The following KDM7A variants were observed in gnomAD, a reference collection of about 807,000 sequenced individuals.
The protein encoded by KDM7A is lysine demethylase 7A, also known as lysine-specific demethylase 7A.
A neutral mutation model predicts 114.8 loss-of-function variants in KDM7A; 28 were observed. That is an observed-to-expected ratio of 0.24 (90% confidence interval 0.18 to 0.33). The LOEUF is 0.33. Among genes scored for constraint, KDM7A ranks in the 10% least tolerant of loss-of-function variants. KDM7A has a pLI of 1.00. For missense variants in KDM7A, 942 were observed against 1,142.5 expected, an observed-to-expected ratio of 0.82 and a Z score of 2.53; for synonymous variants, 423 against 397.8, an observed-to-expected ratio of 1.06 and a Z score of -0.75.
chr7:140,085,819 A>G lies in KDM7A; in HGVS notation c.*5275T>C, dbSNP rs941782367. The G allele has an allele frequency of 6.6e-6, 1 of 152,252 alleles. No individual in the cohort carries two copies. Among genetic ancestry groups the G allele is most frequent in the Non-Finnish European group, 1.5e-5 (1 of 68,046 alleles). 9.4% of individuals were successfully genotyped at this position (152,252 alleles called of 1,614,324 possible). On this transcript the variant is annotated 3_prime_UTR_variant, in exon 20 of 20. Coordinates refer to ENST00000397560, the MANE Select transcript of KDM7A (RefSeq NM_030647.2). ...GTTATACGTAGCTCTGTAAAAATAA[A>G]AGGTTACTTATGAATCTTAAAAGGA...
chr7:140,091,910 A>G lies in KDM7A; in HGVS notation c.2625T>C (p.Ser875=), dbSNP rs1301022166. 6 of 1,613,694 alleles carry G rather than the reference A, an allele frequency of 3.7e-6. No individual in the cohort carries two copies. Among genetic ancestry groups the G allele is most frequent in the South Asian group, 1.1e-5 (1 of 91,056 alleles). Residue 875 remains serine (S), a synonymous_variant, in exon 19 of 20, where the codon AGT becomes AGC. Coordinates refer to ENST00000397560, the MANE Select transcript of KDM7A (RefSeq NM_030647.2). ...CACCAACTGGCCTTTCTGGGCTTAGACTGCCATTACTTATCTGGCACGCCC... is the reference window on the plus strand; with the variant it reads ...CACCAACTGGCCTTTCTGGGCTTAGGCTGCCATTACTTATCTGGCACGCCC... ...TSGACQISNG[S]LSPERPVGET...
At position 140,092,023 on chromosome 7, in the gene KDM7A, G is replaced by C; in HGVS notation, c.2512C>G (p.Gln838Glu). 3.1e-6 allele frequency: 5 copies of C among 1,614,024 alleles called. No homozygotes were observed. The highest frequency in any genetic ancestry group is 4.2e-6 in the Non-Finnish European group (5 of 1,179,968). Residue 838 changes from glutamine to glutamate, a missense_variant, in exon 19 of 20, where the codon CAG becomes GAG. Physicochemically the swap from Gln to Glu is conservative, Grantham distance 29. Transcript: ENST00000397560. ...IRKEGSSEIS[Q>E]RVQSRNYVDS... Reference sequence around the variant, plus strand: ...ACATAATTCCTACTTTGTACCCTCTGACTAATTTCTGATGAACCTTCCTTT... The same window carrying C: ...ACATAATTCCTACTTTGTACCCTCTCACTAATTTCTGATGAACCTTCCTTT...
chr7:140,115,073 G>A (rs1482944257), intron 9 of KDM7A, among the ~76,000 whole-genome samples: 1 of 151,436 alleles, frequency 6.6e-6, no homozygotes, highest in Non-Finnish European at 1.5e-5. Flanking sequence ...CCCCATCCGG[G>A]AGGGAGGTGG....
chr7:140,119,430 T>C (rs560326252), intron 8 of KDM7A, among the ~76,000 whole-genome samples: 1 of 152,330 alleles, frequency 6.6e-6, no homozygotes, highest in East Asian at 1.9e-4. Flanking sequence ...TTAAGAATTG[T>C]ATTGGACTTC....
At chr7:140,169,991 G>A (rs571301646) in intron 1 of KDM7A, among the ~76,000 whole-genome samples, 5 of 151,926 alleles carry the variant, frequency 3.3e-5, no homozygotes, top group African/African-American at 7.3e-5. Flanking sequence ...TATAATAAAC[G>A]GTCATATCAA....
At chr7:140,105,794 C>T (rs914303774) in intron 11 of KDM7A, among the ~76,000 whole-genome samples, 2 of 152,170 alleles carry the variant, frequency 1.3e-5, no homozygotes, top group African/African-American at 4.8e-5. Flanking sequence ...CAGGATGATG[C>T]TGGTCTTGTA....
chr7:140,142,458 T>C (rs1455456467), intron 1 of KDM7A, among the ~76,000 whole-genome samples: 1 of 150,814 alleles, frequency 6.6e-6, no homozygotes, highest in Non-Finnish European at 1.5e-5. Context: ...AACAAAATAC[T>C]CGGATAGGCA....
intron 1 of KDM7A, among the ~76,000 whole-genome samples, chr7:140,147,599 C>A (rs1323595589): frequency 6.6e-6 from 1 of 152,158 alleles, no homozygotes; most frequent in Non-Finnish European, 1.5e-5. Context: ...AATCAGAGGA[C>A]TGAGTCATTG....
rs1307869941 is a variant in KDM7A, at chr7:140,095,182, AT to A, written c.2375-1045del. Among the ~76,000 whole-genome samples the A allele has an allele frequency of 2.6e-5, 4 of 152,216 alleles. No homozygotes were observed. In the East Asian group the frequency reaches 7.7e-4, roughly 29 times the overall value. The stretch of plus-strand genomic sequence containing the variant: ...CAAATTCCATGGCCGCCTATTGTAT[AT>A]GTAAAACCAATGCAATAATTCTCTA... On this transcript the variant is annotated intron_variant, in intron 17 of 19. Transcript: ENST00000397560.
rs1014239396 is a variant in KDM7A, at chr7:140,175,816, G to A, written c.194+928C>T. ...TCCGCCCGGCCGACTCAAGTTCGCC[G>A]GCACCGGCGCCCGGGCACAGCCGCA... On this transcript the variant is annotated intron_variant, in intron 1 of 19. Coordinates refer to ENST00000397560, the MANE Select transcript of KDM7A (RefSeq NM_030647.2). 9.7e-4 allele frequency among the ~76,000 whole-genome samples: 8 copies of A among 8,230 alleles called. 1 individual carries two copies. Among genetic ancestry groups the A allele is most frequent in the Non-Finnish European group, 1.3e-3 (6 of 4,656 alleles). The allele number at this position is 8,230 out of a possible 152,430, so 5.4% of individuals were successfully genotyped here.
At chr7:140,132,827 C>G (rs1185880642) in intron 3 of KDM7A, among the ~76,000 whole-genome samples, 1 of 152,098 alleles carries the variant, frequency 6.6e-6, no homozygotes, top group African/African-American at 2.4e-5. Flanking sequence ...GTTTCAGGAT[C>G]TGAAATAATT....
At chr7:140,148,080 C>T (rs1794358717) in intron 1 of KDM7A, among the ~76,000 whole-genome samples, 1 of 152,158 alleles carries the variant, frequency 6.6e-6, no homozygotes, top group Non-Finnish European at 1.5e-5. Context: ...AGTCAGCCAA[C>T]ACTGCCCTAA....
rs950107841 is a variant in KDM7A at position 140,176,013 on chromosome 7, C to T, written c.194+731G>A. On this transcript the variant is annotated intron_variant, in intron 1 of 19. Coordinates refer to ENST00000397560, the MANE Select transcript of KDM7A (RefSeq NM_030647.2). The surrounding 1 kb of genome is among the most constrained non-coding windows in gnomAD (Gnocchi z 4.4). Reference sequence around the variant, plus strand: ...CCGGGTGTGTGCGGGGGCCCAGGACCGCGACCCGGGTCAACCTGCCGCCCG... The same window carrying T: ...CCGGGTGTGTGCGGGGGCCCAGGACTGCGACCCGGGTCAACCTGCCGCCCG... Among the ~76,000 whole-genome samples the T allele has an allele frequency of 2.0e-5, 3 of 152,166 alleles. No individual in the cohort carries two copies. The highest frequency in any genetic ancestry group is 1.9e-4 in the East Asian group (1 of 5,134).
chr7:140,160,324 G>C (rs943219860), intron 1 of KDM7A, among the ~76,000 whole-genome samples: 3 of 152,150 alleles, frequency 2.0e-5, no homozygotes, highest in Admixed American at 1.3e-4. Flanking sequence ...GAAGGAAAGG[G>C]AAGAAAAGTC....
chr7:140,118,890 C>A (rs1239268081), intron 9 of KDM7A, among the ~76,000 whole-genome samples: 1 of 152,070 alleles, frequency 6.6e-6, no homozygotes, highest in Non-Finnish European at 1.5e-5. Flanking sequence ...TGATCCAGGT[C>A]TTTCATAACA....
At chr7:140,120,344 C>A in intron 8 of KDM7A, 98 bp downstream of exon 8, 2 of 675,528 alleles carry the variant, frequency 3.0e-6, no homozygotes, top group Non-Finnish European at 5.2e-6. Flanking sequence ...TCCATGGAAT[C>A]TCAAATAAAA....
Position 140,176,281 on chromosome 7 carries a change from A to C in KDM7A, c.194+463T>G, listed in dbSNP as rs1794706342. Among the ~76,000 whole-genome samples the C allele has an allele frequency of 6.7e-6, 1 of 149,492 alleles. No individual in the cohort carries two copies. Among genetic ancestry groups the C allele is most frequent in the African/African-American group, 2.4e-5 (1 of 40,962 alleles). On this transcript the variant is annotated intron_variant, in intron 1 of 19. Coordinates refer to ENST00000397560, the MANE Select transcript of KDM7A (RefSeq NM_030647.2). This position sits in a 1 kb window ranked among gnomAD's most constrained non-coding sequence, Gnocchi z 4.4. The stretch of plus-strand genomic sequence containing the variant: ...GGCGACCCCATCGCCGCCCGGAAGG[A>C]AGGCAGGCGCGTCGGCCGGCCGGGC...
At chr7:140,108,851 T>G (rs1818386645) in intron 11 of KDM7A, among the ~76,000 whole-genome samples, 1 of 152,226 alleles carries the variant, frequency 6.6e-6, no homozygotes, top group African/African-American at 2.4e-5. Context: ...TTTGTTCAGC[T>G]ATGCCCTGCC....
intron 7 of KDM7A, among the ~76,000 whole-genome samples, chr7:140,122,978 A>C (rs1314490669): frequency 5.3e-5 from 8 of 152,264 alleles, no homozygotes; most frequent in Non-Finnish European, 1.2e-4. Flanking sequence ...ATATGGGTCT[A>C]GTACAGAGAA....
Sources: gnomAD v4.1 joint callset for allele counts (sites outside exome capture counted in the v4.1 genomes callset) on GRCh38, gnomAD v4.1.1 for gene constraint, Gnocchi (gnomAD v3.1) non-coding constraint, MANE v1.5 for transcripts, NCBI Gene and HGNC (gene_info 2026-07-23, HGNC 2026-07-21) for gene names.